The following PAK2 variants were observed in gnomAD, a reference collection of about 807,000 sequenced individuals.
PAK2 encodes p21 (RAC1) activated kinase 2.
In PAK2, 21 loss-of-function variants were observed where a neutral mutation model predicts 65.9. The observed-to-expected ratio is 0.32, with a 90% CI of 0.23 to 0.46. The LOEUF is 0.46. PAK2 is among the 20% of genes least tolerant of loss of function. PAK2 has a pLI of 1.00. For missense variants in PAK2, 324 were observed against 642.6 expected, an observed-to-expected ratio of 0.50 and a Z score of 5.36; for synonymous variants, 204 against 219.7, an observed-to-expected ratio of 0.93 and a Z score of 0.63.
At chr3:196,803,744 A>AAAT (rs771772951) in intron 4 of PAK2, among the ~76,000 whole-genome samples, 1 of 152,214 alleles carries the variant, frequency 6.6e-6, no homozygotes, top group Non-Finnish European at 1.5e-5. Context: ...ACAGTAATGC[A>AAAT]AATTTTACTT....
chr3:196,786,645 C>T (rs562907009), intron 2 of PAK2, among the ~76,000 whole-genome samples: 1 of 152,138 alleles, frequency 6.6e-6, no homozygotes, highest in South Asian at 2.1e-4. Context: ...TTTCTTTAAA[C>T]TTGGATAGTA....
chr3:196,800,416 T>A (rs80141424), intron 2 of PAK2, among the ~76,000 whole-genome samples: 2,702 of 152,166 alleles, frequency 0.018, 80 homozygotes, highest in African/African-American at 0.062. Context: ...GAAATTCTCC[T>A]TAAAATTCAT....
chr3:196,811,344 C>CCCTTCCCTTCCCTT (rs753331458), intron 8 of PAK2, among the ~76,000 whole-genome samples: 1 of 13,184 alleles, frequency 7.6e-5, no homozygotes, highest in African/African-American at 3.2e-4. Context: ...TCCCTTCCCT[C>CCCTTCCCTTCCCTT]CCTTCCTTCC....
chr3:196,811,330 TC>T (rs1560113939), intron 8 of PAK2, among the ~76,000 whole-genome samples: 124 of 3,782 alleles, frequency 0.033, 1 homozygote, highest in Non-Finnish European at 0.047. Flanking sequence ...TTCCTTCCCT[TC>T]CCTCCCTTCC....
At chr3:196,815,568 C>T (rs560865145) in intron 11 of PAK2, among the ~76,000 whole-genome samples, 2 of 151,644 alleles carry the variant, frequency 1.3e-5, no homozygotes, top group Non-Finnish European at 2.9e-5. Context: ...GCGGGCAGAT[C>T]ATGAGGTCAA....
chr3:196,830,169 A>G lies in PAK2; in HGVS notation c.*1764A>G, dbSNP rs2108780682. ...TTATTTCCACTATATCTATGATAAG[A>G]TGCAATTATAAGGAGAGAAGTGACT... On this transcript the variant is annotated 3_prime_UTR_variant, in exon 15 of 15. Coordinates refer to ENST00000327134, the MANE Select transcript of PAK2 (RefSeq NM_002577.4). 6.6e-6 allele frequency: 1 copy of G among 152,314 alleles called. No individual in the cohort carries two copies. The highest frequency in any genetic ancestry group is 2.1e-4 in the South Asian group (1 of 4,830). The allele number at this position is 152,314 out of a possible 1,614,324, so 9.4% of individuals were successfully genotyped here.
intron 13 of PAK2, 56 bp from the exon 14 acceptor site, chr3:196,827,140 C>T: frequency 8.3e-7 from 1 of 1,201,884 alleles, no homozygotes; most frequent in South Asian, 1.4e-5. Context: ...TTATGGAGTG[C>T]TCTGTGACCG....
Position 196,832,172 on chromosome 3 carries a change from GTT to G in PAK2, c.*3768_*3769del, listed in dbSNP as rs1219421783. On this transcript the variant is annotated 3_prime_UTR_variant, in exon 15 of 15. Coordinates refer to ENST00000327134, the MANE Select transcript of PAK2 (RefSeq NM_002577.4). Reference sequence around the variant, plus strand: ...CAGAGGCAGAAAGAAATGGATGATAGTTCTGTCAAGCACACTTCTGTTCTCTT... The same window carrying G: ...CAGAGGCAGAAAGAAATGGATGATAGCTGTCAAGCACACTTCTGTTCTCTT... 1 of 152,166 alleles carries G rather than the reference GTT, an allele frequency of 6.6e-6. No individual in the cohort carries two copies. Among genetic ancestry groups the G allele is most frequent in the Non-Finnish European group, 1.5e-5 (1 of 68,034 alleles). 9.4% of individuals were successfully genotyped at this position (152,166 alleles called of 1,614,324 possible). A position where few individuals can be genotyped will look rare whatever the true frequency, so the allele number is the denominator to read the frequency against.
chr3:196,748,007 A>C (rs976456423), intron 1 of PAK2, among the ~76,000 whole-genome samples: 1 of 152,030 alleles, frequency 6.6e-6, no homozygotes, highest in African/African-American at 2.4e-5. Flanking sequence ...ATTTTCCTTT[A>C]TAGCACTTCC....
At chr3:196,742,290 G>T (rs2108702179) in intron 1 of PAK2, among the ~76,000 whole-genome samples, 1 of 151,814 alleles carries the variant, frequency 6.6e-6, no homozygotes, top group Non-Finnish European at 1.5e-5. Flanking sequence ...GTTTCACCGT[G>T]TTGGTTAGGC....
At chr3:196,804,536 C>T (rs757926717) in intron 4 of PAK2, among the ~76,000 whole-genome samples, 7 of 152,090 alleles carry the variant, frequency 4.6e-5, no homozygotes, top group African/African-American at 9.7e-5. Context: ...GGCACAATCT[C>T]GGCTTGCCAG....
chr3:196,806,557 A>C (rs1320286093), intron 5 of PAK2, 22 bp from the exon 6 acceptor site: 1 of 1,442,366 alleles, frequency 6.9e-7, no homozygotes, highest in South Asian at 1.1e-5. Context: ...TGTTTTCCTT[A>C]CTTTGCTCAT....
chr3:196,810,780 G>C, intron 8 of PAK2, 127 bp downstream of exon 8: 1 of 577,964 alleles, frequency 1.7e-6, no homozygotes, highest in South Asian at 2.4e-5. Context: ...TACCCTTGGG[G>C]GATTTGTGTA....
chr3:196,761,789 A>AG (rs1560093812), intron 1 of PAK2, among the ~76,000 whole-genome samples: 2 of 124,958 alleles, frequency 1.6e-5, no homozygotes, highest in African/African-American at 6.3e-5. Context: ...CGGGGGGCTG[A>AG]CCCCCACCTC....
intron 2 of PAK2, among the ~76,000 whole-genome samples, chr3:196,799,795 T>G (rs1329021220): frequency 6.6e-6 from 1 of 152,120 alleles, no homozygotes; most frequent in Non-Finnish European, 1.5e-5. Context: ...AGTTTGCATT[T>G]TAGATACAGT....
At chr3:196,811,218 TCCCTCCCTTC>T (rs1715783562) in intron 8 of PAK2, among the ~76,000 whole-genome samples, 1 of 12,398 alleles carries the variant, frequency 8.1e-5, no homozygotes, top group Non-Finnish European at 1.4e-4. Flanking sequence ...TTCCCTTCCC[TCCCTCCCTTC>T]CCTTCCCTTC....
At chr3:196,790,649 C>CT (rs1560105317) in intron 2 of PAK2, among the ~76,000 whole-genome samples, 2 of 152,150 alleles carry the variant, frequency 1.3e-5, no homozygotes, top group Non-Finnish European at 2.9e-5. Context: ...GGATGAATAA[C>CT]TTACACTGAC....
intron 10 of PAK2, among the ~76,000 whole-genome samples, chr3:196,813,892 G>T (rs1715908377): frequency 6.6e-6 from 1 of 152,144 alleles, no homozygotes; most frequent in African/African-American, 2.4e-5. Context: ...GGAGGCTGCA[G>T]TGAGCCGAGA....
At chr3:196,780,830 C>A (rs1157043655) in intron 1 of PAK2, among the ~76,000 whole-genome samples, 1 of 152,102 alleles carries the variant, frequency 6.6e-6, no homozygotes, top group East Asian at 1.9e-4. Flanking sequence ...TGCTTTGTCG[C>A]CAGGCTGGCA....
Sources: gnomAD v4.1 joint callset for allele counts (sites outside exome capture counted in the v4.1 genomes callset) on GRCh38, gnomAD v4.1.1 for gene constraint, MANE v1.5 for transcripts, NCBI Gene and HGNC (gene_info 2026-07-23, HGNC 2026-07-21) for gene names.